SSBP1: variants seen among roughly 807,000 people sequenced by gnomAD.
The protein encoded by SSBP1 is single-stranded DNA-binding protein, mitochondrial.
Under a neutral mutation model 27.0 loss-of-function variants are expected in SSBP1, and 20 were observed. The ratio of observed to expected loss-of-function variants is 0.74; its 90% confidence interval spans 0.52 to 1.08. The LOEUF (loss-of-function observed/expected upper bound fraction) is 1.08. Among genes scored for constraint, SSBP1 ranks in the 50% least tolerant of loss-of-function variants. SSBP1 has a pLI of 0.00. For missense variants in SSBP1, 137 were observed against 182.4 expected, an observed-to-expected ratio of 0.75 and a Z score of 1.44; for synonymous variants, 59 against 59.3, an observed-to-expected ratio of 1.00 and a Z score of 0.02.
intron 6 of SSBP1, among the ~76,000 whole-genome samples, chr7:141,748,785 C>G (rs187564780): frequency 6.6e-6 from 1 of 152,082 alleles, no homozygotes; most frequent in African/African-American, 2.4e-5. Flanking sequence ...ATTGGTTGAT[C>G]TGTTTTATTG....
Position 141,743,579 on chromosome 7 carries a change from T to C in SSBP1, c.104T>C (p.Leu35Ser). ...GTTTCAGCCCTGAATCGTGTGCACT[T>C]ACTTGGGCGAGTGGGTCAGGACCCT... is the stretch of plus-strand genomic sequence containing the variant. ...VLERSLNRVH[L>S]LGRVGQDPVL... Residue 35 changes from leucine to serine, a missense_variant, in exon 4 of 7, where the codon TTA becomes TCA. By Grantham distance (145) the Leu-to-Ser change is moderately radical. Around this residue, in one of 2 missense-constraint regions of SSBP1, gnomAD observed 95 missense variants for 152.0 expected, o/e 0.62. Transcript: ENST00000265304. 6.2e-7 allele frequency: 1 copy of C among 1,614,174 alleles called. No homozygotes were observed. Among genetic ancestry groups the C allele is most frequent in the South Asian group, 1.1e-5 (1 of 91,080 alleles).
intron 5 of SSBP1, among the ~76,000 whole-genome samples, chr7:141,744,270 A>G (rs2117179900): frequency 6.6e-6 from 1 of 152,366 alleles, no homozygotes; most frequent in Non-Finnish European, 1.5e-5. Flanking sequence ...GCAGGAGAGA[A>G]GGCAAAGTGT....
chr7:141,741,035 G>A lies in SSBP1; in HGVS notation c.25-1134G>A, dbSNP rs1799507163. ...AAAGTCATTCATGTGATTAGTTTTAGAATGTATTGTTTTGTTGGAATGTAA... is the reference window on the plus strand; with the variant it reads ...AAAGTCATTCATGTGATTAGTTTTAAAATGTATTGTTTTGTTGGAATGTAA... On this transcript the variant is annotated intron_variant, in intron 2 of 6. Coordinates refer to ENST00000265304, the MANE Select transcript of SSBP1 (RefSeq NM_003143.3). 3 of 152,304 alleles carry A rather than the reference G, an allele frequency of 2.0e-5. 1 individual carries two copies. The highest frequency in any genetic ancestry group is 2.4e-5 in the African/African-American group (1 of 41,566). 9.4% of individuals were successfully genotyped at this position (152,304 alleles called of 1,614,324 possible). A position where few individuals can be genotyped will look rare whatever the true frequency, so the allele number is the denominator to read the frequency against.
intron 3 of SSBP1, among the ~76,000 whole-genome samples, chr7:141,742,925 G>A (rs148940389): frequency 0.02 from 3,080 of 152,240 alleles, 102 homozygotes; most frequent in African/African-American, 0.072. Context: ...CGCGGTCTCC[G>A]CTCACTGCAA....
chr7:141,739,002 C>A (rs561689734), intron 1 of SSBP1, 122 bp from the exon 2 acceptor site: 73 of 517,994 alleles, frequency 1.4e-4, no homozygotes, highest in African/African-American at 1.3e-3. Flanking sequence ...AATGTTGGTA[C>A]GTTGTGGTCA....
intron 1 of SSBP1, 127 bp from the exon 2 acceptor site, chr7:141,738,997 T>C: frequency 2.0e-6 from 1 of 509,252 alleles, no homozygotes; most frequent in Non-Finnish European, 3.5e-6. Flanking sequence ...GCAGGAATGT[T>C]GGTACGTTGT....
intron 2 of SSBP1, 69 bp from the exon 3 acceptor site, chr7:141,742,100 G>A (rs1799557908): frequency 1.4e-5 from 16 of 1,173,884 alleles, no homozygotes; most frequent in Non-Finnish European, 2.0e-5. Context: ...ATGAACGTGA[G>A]TAATTCTTCT....
At chr7:141,740,347 A>G (rs1799480656) in intron 2 of SSBP1, 1 of 152,224 alleles carries the variant, frequency 6.6e-6, no homozygotes, top group Non-Finnish European at 1.5e-5. Flanking sequence ...CTCTGATAGA[A>G]TGGCTAGCTC....
chr7:141,745,867 A>G (rs1799764994), intron 6 of SSBP1: 2 of 1,121,484 alleles, frequency 1.8e-6, no homozygotes, highest in Non-Finnish European at 2.2e-6. Context: ...TGAGAATTAC[A>G]AAAACTCTGA....
intron 6 of SSBP1, chr7:141,746,055 C>CT (rs1187141933): frequency 3.0e-5 from 26 of 856,688 alleles, no homozygotes; most frequent in Non-Finnish European, 3.7e-5. Flanking sequence ...GAATCTCACT[C>CT]TGTCACCCAG....
intron 2 of SSBP1, 177 bp downstream of exon 2, chr7:141,739,367 A>G (rs1799424415): frequency 2.3e-6 from 1 of 438,754 alleles, no homozygotes; most frequent in Non-Finnish European, 4.0e-6. Flanking sequence ...ATGTTCACTA[A>G]AACAAAAAAA....
At chr7:141,743,231 T>A (rs1799631476) in intron 3 of SSBP1, among the ~76,000 whole-genome samples, 1 of 152,224 alleles carries the variant, frequency 6.6e-6, no homozygotes. Flanking sequence ...ACCAACAGCA[T>A]TTATTTCTCA....
chr7:141,739,092 TG>T (rs777723127), intron 1 of SSBP1, 31 bp from the exon 2 acceptor site: 22 of 1,342,714 alleles, frequency 1.6e-5, no homozygotes, highest in Admixed American at 4.4e-5. Context: ...TAAGAGGTAA[TG>T]TTTTTTTCTT....
intron 2 of SSBP1, chr7:141,741,679 T>TAAA: frequency 1.7e-6 from 1 of 605,560 alleles, no homozygotes; most frequent in Non-Finnish European, 2.1e-6. Flanking sequence ...TTGTTTATAC[T>TAAA]AAAAAAAAAA....
Position 141,750,453 on chromosome 7 carries a change from T to C in SSBP1, c.*99T>C. The C allele has an allele frequency of 1.0e-6, 1 of 999,988 alleles. No homozygotes were observed. The highest frequency in any genetic ancestry group is 1.5e-6 in the Non-Finnish European group (1 of 683,740). 61.9% of individuals were successfully genotyped at this position (999,988 alleles called of 1,614,324 possible). A position where few individuals can be genotyped will look rare whatever the true frequency, so the allele number is the denominator to read the frequency against. On this transcript the variant is annotated 3_prime_UTR_variant, in exon 7 of 7. Transcript: ENST00000265304. ...AAGGACAAGAATTAAAATACTCTTT[T>C]ACGTAAAATGAGTAATAATCTTTTT...
At chr7:141,740,652 G>A (rs1443013842) in intron 2 of SSBP1, 1 of 152,220 alleles carries the variant, frequency 6.6e-6, no homozygotes, top group Non-Finnish European at 1.5e-5. Context: ...TTATGTGGTA[G>A]TGACTACCTT....
chr7:141,749,979 C>T (rs529589804), intron 6 of SSBP1, among the ~76,000 whole-genome samples: 2 of 152,244 alleles, frequency 1.3e-5, no homozygotes, highest in South Asian at 2.1e-4. Context: ...TGCCTAGTGT[C>T]GTGGAATCTG....
chr7:141,750,304 T>C lies in SSBP1; in HGVS notation c.404-7T>C. On this transcript the variant is annotated splice_region_variant and splice_polypyrimidine_tract_variant and intron_variant, in intron 6 of 6. Transcript: ENST00000265304. ...AAATTAATATTTACATTTTGGCTTT[T>C]TTACAGATAATATTATATTTCTGAG... 6.3e-7 allele frequency: 1 copy of C among 1,589,908 alleles called. No homozygotes were observed. Among genetic ancestry groups the C allele is most frequent in the Non-Finnish European group, 8.6e-7 (1 of 1,169,230 alleles).
At chr7:141,745,386 A>G (rs1479126114) in intron 5 of SSBP1, 110 bp from the exon 6 acceptor site, 1 of 889,342 alleles carries the variant, frequency 1.1e-6, no homozygotes, top group Non-Finnish European at 1.6e-6. Flanking sequence ...AAATTAGCTT[A>G]TATATGATTA....
Sources: allele counts gnomAD v4.1 joint callset (sites outside exome capture counted in the v4.1 genomes callset), GRCh38; gene constraint gnomAD v4.1.1; regional missense constraint gnomAD v4.1.1; transcripts MANE v1.5; gene names NCBI Gene and HGNC (gene_info 2026-07-23, HGNC 2026-07-21).